PCDH9: variants seen among roughly 807,000 people sequenced by gnomAD.
PCDH9 encodes protocadherin-9.
In PCDH9, 24 loss-of-function variants were observed where a neutral mutation model predicts 70.6. The observed-to-expected ratio is 0.34, with a 90% CI of 0.25 to 0.48. The LOEUF (loss-of-function observed/expected upper bound fraction) is 0.48, where lower values mean the gene tolerates loss of function less well. Ranked by LOEUF, PCDH9 falls within the 20% of genes least tolerant of loss-of-function variation. The pLI is 0.99. For missense variants in PCDH9, 1,281 were observed against 1,503.6 expected, an observed-to-expected ratio of 0.85 and a Z score of 2.45; for synonymous variants, 562 against 558.5, an observed-to-expected ratio of 1.01 and a Z score of -0.09.
rs1939233069 is a variant in PCDH9, at chr13:66,555,690, G to GCTGAAAGAAATTATTTTCTGACTCTTAT, written c.3340+75519_3340+75520insATAAGAGTCAGAAAATAATTTCTTTCAG. Among the ~76,000 whole-genome samples, 42 of 150,412 alleles carry GCTGAAAGAAATTATTTTCTGACTCTTAT rather than the reference G, an allele frequency of 2.8e-4. No individual in the cohort carries two copies. In the South Asian group the frequency reaches 8.4e-3, roughly 30 times the overall value. ...CTCTATTATCTAAGACAATATATGA[G>GCTGAAAGAAATTATTTTCTGACTCTTAT]CTGAATGAAATTATTTTCAGACTCT... is the stretch of plus-strand genomic sequence containing the variant. On this transcript the variant is annotated intron_variant, in intron 4 of 4. Coordinates refer to ENST00000377865, the MANE Select transcript of PCDH9 (RefSeq NM_203487.3).
intron 3 of PCDH9, among the ~76,000 whole-genome samples, chr13:66,705,831 AAT>A (rs1403540391): frequency 2.6e-5 from 4 of 152,226 alleles, no homozygotes; most frequent in African/African-American, 7.2e-5. Flanking sequence ...TAAACATAAG[AAT>A]TGCAGGAAAC....
At chr13:66,515,805 T>C (rs1439141503) in intron 4 of PCDH9, among the ~76,000 whole-genome samples, 1 of 152,050 alleles carries the variant, frequency 6.6e-6, no homozygotes, top group Non-Finnish European at 1.5e-5. Context: ...TGTTGCTTAC[T>C]ATTTTCTCCA....
intron 2 of PCDH9, among the ~76,000 whole-genome samples, chr13:66,968,634 T>C (rs1393735344): frequency 6.6e-6 from 1 of 152,080 alleles, no homozygotes; most frequent in African/African-American, 2.4e-5. Context: ...ACATTAGCTA[T>C]CAATTCAACT....
chr13:66,530,199 G>T lies in PCDH9; in HGVS notation c.3340+101011C>A, dbSNP rs1245072424. Among the ~76,000 whole-genome samples the T allele has an allele frequency of 2.6e-5, 4 of 152,154 alleles. No individual in the cohort carries two copies. In the East Asian group the frequency reaches 5.8e-4, roughly 22 times the overall value. ...TCTGATATGACCTAGGGTTCTGAAG[G>T]TACTTTTGTCTACAGAAAGAAATTA... On this transcript the variant is annotated intron_variant, in intron 4 of 4. Transcript: ENST00000377865.
chr13:66,652,268 TAA>T (rs1389519088), intron 3 of PCDH9, among the ~76,000 whole-genome samples: 3 of 152,074 alleles, frequency 2.0e-5, no homozygotes, highest in Non-Finnish European at 4.4e-5. Flanking sequence ...TTAGAACTGA[TAA>T]AGTCAGTAAA....
At chr13:67,105,337 G>A (rs1035401010) in intron 2 of PCDH9, among the ~76,000 whole-genome samples, 3 of 151,978 alleles carry the variant, frequency 2.0e-5, no homozygotes, top group Admixed American at 6.6e-5. Flanking sequence ...CTAAACTTTG[G>A]AAATAAAAAC....
intron 3 of PCDH9, among the ~76,000 whole-genome samples, chr13:66,887,090 A>G (rs2082018829): frequency 6.6e-6 from 1 of 150,984 alleles, no homozygotes. Flanking sequence ...CTGTATTTCT[A>G]GACAATTCAT....
At chr13:66,831,207 T>G (rs999736498) in intron 3 of PCDH9, among the ~76,000 whole-genome samples, 1 of 152,210 alleles carries the variant, frequency 6.6e-6, no homozygotes, top group Admixed American at 6.5e-5. Flanking sequence ...AGTTGTTGAC[T>G]CAAAGTGTAT....
chr13:66,455,336 TCTC>T (rs1360847819), intron 4 of PCDH9, among the ~76,000 whole-genome samples: 1 of 151,734 alleles, frequency 6.6e-6, no homozygotes, highest in African/African-American at 2.4e-5. Context: ...ACATTCTTCT[TCTC>T]CTTAATAAAT....
intron 2 of PCDH9, among the ~76,000 whole-genome samples, chr13:67,022,188 T>C (rs968503585): frequency 7.9e-6 from 1 of 126,692 alleles, no homozygotes; most frequent in Admixed American, 9.8e-5. Flanking sequence ...TGGAGTGCAA[T>C]GGTGTGATCT....
At chr13:66,355,536 A>C (rs1237219342) in intron 4 of PCDH9, among the ~76,000 whole-genome samples, 1 of 152,250 alleles carries the variant, frequency 6.6e-6, no homozygotes, top group East Asian at 1.9e-4. Flanking sequence ...CATGCTGTCT[A>C]GTGTTCTTAA....
chr13:66,682,774 T>A (rs940540845), intron 3 of PCDH9, among the ~76,000 whole-genome samples: 2 of 152,186 alleles, frequency 1.3e-5, no homozygotes, highest in Non-Finnish European at 2.9e-5. Flanking sequence ...TTAATTTTCT[T>A]TATCTAATTA....
intron 4 of PCDH9, among the ~76,000 whole-genome samples, chr13:66,370,189 A>C (rs9540728): frequency 0.43 from 64,743 of 151,734 alleles, 15,730 homozygotes; most frequent in East Asian, 0.62. Context: ...ATCTTCTACA[A>C]ATCAGGAATG....
chr13:66,445,568 G>A (rs184150152), intron 4 of PCDH9, among the ~76,000 whole-genome samples: 4,764 of 113,580 alleles, frequency 0.042, 339 homozygotes, highest in African/African-American at 0.13. Context: ...ATATATACGT[G>A]TATATATTAT....
chr13:66,604,290 C>T (rs1302717624), intron 4 of PCDH9, among the ~76,000 whole-genome samples: 1 of 151,874 alleles, frequency 6.6e-6, no homozygotes, highest in Non-Finnish European at 1.5e-5. Context: ...CCTGGCTGAA[C>T]ATATGATTGT....
Position 67,188,787 on chromosome 13 carries a change from A to T in PCDH9, c.3036+36618T>A, listed in dbSNP as rs554057974. Among the ~76,000 whole-genome samples, 16 of 151,938 alleles carry T rather than the reference A, an allele frequency of 1.1e-4. No individual in the cohort carries two copies. The East Asian group carries it at 2.7e-3, about 26-fold the overall frequency. The stretch of plus-strand genomic sequence containing the variant: ...TAAGAGCAGCTGTAATAGATCTTTA[A>T]TTTTTTTTAATTTCTGTAAGTTTTA... On this transcript the variant is annotated intron_variant, in intron 2 of 4. Transcript: ENST00000377865.
chr13:67,138,973 T>C (rs796787557), intron 2 of PCDH9, among the ~76,000 whole-genome samples: 32 of 152,296 alleles, frequency 2.1e-4, no homozygotes, highest in African/African-American at 7.2e-4. Context: ...GTCTATGTGA[T>C]TGAGAAAATG....
At chr13:67,091,053 T>A (rs1024917073) in intron 2 of PCDH9, among the ~76,000 whole-genome samples, 2 of 152,096 alleles carry the variant, frequency 1.3e-5, no homozygotes, top group Non-Finnish European at 2.9e-5. Flanking sequence ...GTGTTAGATC[T>A]GGCAGTGGTT....
chr13:66,411,492 T>C (rs1445120137), intron 4 of PCDH9, among the ~76,000 whole-genome samples: 1 of 152,116 alleles, frequency 6.6e-6, no homozygotes, highest in Non-Finnish European at 1.5e-5. Context: ...CTCACAATAT[T>C]TCCCAGCCTG....
Sources: gnomAD v4.1 joint callset for allele counts (sites outside exome capture counted in the v4.1 genomes callset) on GRCh38, gnomAD v4.1.1 for gene constraint, MANE v1.5 for transcripts, NCBI Gene and HGNC (gene_info 2026-07-23, HGNC 2026-07-21) for gene names.